GPHN: variants seen among roughly 807,000 people sequenced by gnomAD.
The protein encoded by GPHN is gephyrin.
GPHN carries 17 observed loss-of-function variants against 95.5 expected under a neutral mutation model. The ratio of observed to expected loss-of-function variants is 0.18; its 90% confidence interval spans 0.12 to 0.27. The LOEUF (loss-of-function observed/expected upper bound fraction) is 0.27, where lower values mean the gene tolerates loss of function less well. GPHN is among the 10% of genes least tolerant of loss of function. The pLI is 1.00. For missense variants in GPHN, 660 were observed against 978.1 expected, an observed-to-expected ratio of 0.67 and a Z score of 4.34; for synonymous variants, 320 against 322.5, an observed-to-expected ratio of 0.99 and a Z score of 0.08.
At chr14:67,125,350 C>T (rs2079237426) in intron 17 of GPHN, among the ~76,000 whole-genome samples, 1 of 152,116 alleles carries the variant, frequency 6.6e-6, no homozygotes. Flanking sequence ...TCTTCTTCAT[C>T]CTATTCAGCC....
At position 67,159,411 on chromosome 14, in the gene GPHN, G is replaced by T. The variant is rs756320626; in HGVS notation, c.1837-4G>T. 6.4e-7 allele frequency: 1 copy of T among 1,564,576 alleles called. No individual in the cohort carries two copies. The highest frequency in any genetic ancestry group is 1.1e-5 in the South Asian group (1 of 90,056). On this transcript the variant is annotated splice_polypyrimidine_tract_variant and splice_region_variant and intron_variant, in intron 18 of 22. Coordinates refer to ENST00000478722, the MANE Select transcript of GPHN (RefSeq NM_020806.5). Reference sequence around the variant, plus strand: ...AGTAAAGTGATTATTTTTAATGTTTGCAGGACTATCTCAAGCAGGTGCTGG... The same window carrying T: ...AGTAAAGTGATTATTTTTAATGTTTTCAGGACTATCTCAAGCAGGTGCTGG...
At chr14:67,352,704 G>C in the GPHN span, 1 of 434,506 alleles carries the variant, frequency 2.3e-6, no homozygotes, top group East Asian at 4.0e-5. Context: ...GAGGCAGGCG[G>C]GGGGCCAATC....
At chr14:66,977,422 C>T (rs1284897372) in intron 9 of GPHN, among the ~76,000 whole-genome samples, 1 of 151,450 alleles carries the variant, frequency 6.6e-6, no homozygotes, top group East Asian at 1.9e-4. Context: ...CAGAGCGAGA[C>T]CCCATCTCAA....
the GPHN span, chr14:67,574,029 G>C: frequency 1.4e-6 from 1 of 714,616 alleles, no homozygotes; most frequent in Non-Finnish European, 2.4e-6. This position sits in a 1 kb window ranked among gnomAD's most constrained non-coding sequence, Gnocchi z 4.2. Flanking sequence ...TAACTTGTGA[G>C]TACAAGAAAG....
At chr14:67,428,070 C>G in the GPHN span, among the ~76,000 whole-genome samples, 1 of 152,070 alleles carries the variant, frequency 6.6e-6, no homozygotes, top group Non-Finnish European at 1.5e-5. Context: ...TAGGCACCCG[C>G]CACCACACCC....
intron 2 of GPHN, among the ~76,000 whole-genome samples, chr14:66,749,805 T>A (rs2058300067): frequency 6.6e-6 from 1 of 151,926 alleles, no homozygotes; most frequent in South Asian, 2.1e-4. Context: ...GTCTTTTCGT[T>A]CCCTTCACAG....
intron 3 of GPHN, among the ~76,000 whole-genome samples, chr14:66,810,243 C>G (rs1047424164): frequency 6.6e-6 from 1 of 151,788 alleles, no homozygotes; most frequent in Admixed American, 6.6e-5. Flanking sequence ...ACCAGTATTT[C>G]TTTACTACTG....
the GPHN span, among the ~76,000 whole-genome samples, chr14:67,459,273 AC>A: frequency 6.6e-6 from 1 of 151,944 alleles, no homozygotes; most frequent in Non-Finnish European, 1.5e-5. Context: ...GCTTCAAGCA[AC>A]CCTCCCACCT....
chr14:67,587,929 T>C, the GPHN span: 1 of 152,670 alleles, frequency 6.6e-6, no homozygotes, highest in Non-Finnish European at 1.5e-5. Context: ...AGGACTAAAA[T>C]TTCCAATTCT....
the GPHN span, chr14:67,642,336 G>T: frequency 1.2e-6 from 2 of 1,613,906 alleles, no homozygotes; most frequent in Non-Finnish European, 1.7e-6. Context: ...GATGGCTACA[G>T]CTGTGTCACA....
chr14:67,600,207 G>A, the GPHN span: 3 of 1,566,604 alleles, frequency 1.9e-6, no homozygotes, highest in Non-Finnish European at 2.6e-6. Context: ...CCTCCATGAC[G>A]CCCCCACTCG....
chr14:66,685,099 A>T (rs901121915), intron 2 of GPHN, among the ~76,000 whole-genome samples: 4 of 152,158 alleles, frequency 2.6e-5, no homozygotes, highest in African/African-American at 9.7e-5. Context: ...TTATGGCTGC[A>T]TAGTATTCCA....
At chr14:67,094,320 A>T (rs978094844) in intron 12 of GPHN, among the ~76,000 whole-genome samples, 5 of 152,186 alleles carry the variant, frequency 3.3e-5, no homozygotes, top group African/African-American at 9.6e-5. Flanking sequence ...AAAAGGAGGA[A>T]TAAGAAGGAA....
chr14:67,379,747 C>T, the GPHN span, among the ~76,000 whole-genome samples: 35 of 139,362 alleles, frequency 2.5e-4, no homozygotes, highest in Admixed American at 6.5e-4. Context: ...CTCCGCCTCC[C>T]GGGTTCACAC....
chr14:67,636,169 C>T, the GPHN span, among the ~76,000 whole-genome samples: 1 of 152,074 alleles, frequency 6.6e-6, no homozygotes, highest in African/African-American at 2.4e-5. Context: ...TGTGTGTCAG[C>T]CCACTTTGAA....
chr14:67,341,546 C>T, the GPHN span, among the ~76,000 whole-genome samples: 60 of 151,044 alleles, frequency 4.0e-4, no homozygotes, highest in African/African-American at 1.2e-3. Context: ...CCAGCCGCCC[C>T]GTCCGGGAGG....
intron 5 of GPHN, among the ~76,000 whole-genome samples, chr14:66,911,103 G>A (rs148595873): frequency 1.1e-4 from 17 of 151,902 alleles, no homozygotes; most frequent in South Asian, 4.1e-4. Context: ...TTAAGTGAAT[G>A]ATTTATATAA....
chr14:67,145,553 T>A (rs1322681581), intron 18 of GPHN, among the ~76,000 whole-genome samples: 1 of 152,162 alleles, frequency 6.6e-6, no homozygotes, highest in East Asian at 1.9e-4. Flanking sequence ...CCTTAGGAGC[T>A]GCTAATTGTC....
the GPHN span, chr14:67,576,573 A>C: frequency 3.8e-6 from 3 of 799,704 alleles, no homozygotes; most frequent in Admixed American, 5.8e-5. The surrounding 1 kb of genome is among the most constrained non-coding windows in gnomAD (Gnocchi z 4.0). Context: ...TCAAGATCCC[A>C]AAGAAAGCAG....
Sources: allele counts gnomAD v4.1 joint callset (sites outside exome capture counted in the v4.1 genomes callset), GRCh38; gene constraint gnomAD v4.1.1; non-coding constraint Gnocchi (gnomAD v3.1); transcripts MANE v1.5; gene names NCBI Gene and HGNC (gene_info 2026-07-23, HGNC 2026-07-21).